The following SLIT2 variants were observed in gnomAD, a reference collection of about 807,000 sequenced individuals.
The protein encoded by SLIT2 is slit guidance ligand 2, also known as slit homolog 2 protein.
In SLIT2, 41 loss-of-function variants were observed where a neutral mutation model predicts 185.7. The observed-to-expected ratio is 0.22, with a 90% CI of 0.17 to 0.29. The LOEUF is 0.29. Ranked by LOEUF, SLIT2 falls within the 10% of genes least tolerant of loss-of-function variation. The pLI, the probability that SLIT2 is intolerant of heterozygous loss-of-function variation, is 1.00. For missense variants in SLIT2, 1,571 were observed against 1,909.0 expected, an observed-to-expected ratio of 0.82 and a Z score of 3.30; for synonymous variants, 693 against 680.2, an observed-to-expected ratio of 1.02 and a Z score of -0.29.
At chr4:20,546,622 A>T (rs928449460) in intron 22 of SLIT2, among the ~76,000 whole-genome samples, 1 of 152,118 alleles carries the variant, frequency 6.6e-6, no homozygotes, top group East Asian at 1.9e-4. Context: ...AGTAAACTTG[A>T]CAAAGATACT....
intron 29 of SLIT2, among the ~76,000 whole-genome samples, chr4:20,574,552 C>T (rs954590576): frequency 2.6e-5 from 4 of 151,982 alleles, no homozygotes; most frequent in Non-Finnish European, 5.9e-5. Flanking sequence ...TTTGGGAGGC[C>T]GAGGCAGGTG....
intron 26 of SLIT2, among the ~76,000 whole-genome samples, chr4:20,563,647 G>C (rs930680127): frequency 2.6e-5 from 4 of 151,636 alleles, no homozygotes; most frequent in African/African-American, 9.7e-5. Flanking sequence ...ATATATAGAA[G>C]GCTCTCAGGG....
intron 26 of SLIT2, among the ~76,000 whole-genome samples, chr4:20,561,226 A>C (rs754193980): frequency 6.6e-6 from 1 of 151,838 alleles, no homozygotes; most frequent in Non-Finnish European, 1.5e-5. Context: ...AGGCCAGCTG[A>C]AGGATCAAAG....
intron 4 of SLIT2, among the ~76,000 whole-genome samples, chr4:20,449,764 G>A (rs1051890156): frequency 1.7e-4 from 26 of 152,148 alleles, no homozygotes; most frequent in African/African-American, 6.0e-4. Flanking sequence ...AACAGTATAA[G>A]TATTAACTAG....
rs368471522 is a variant in SLIT2 at position 20,551,353 on chromosome 4, C to T, written c.2561+455C>T. Among the ~76,000 whole-genome samples, 8 of 152,298 alleles carry T rather than the reference C, an allele frequency of 5.3e-5. No homozygotes were observed. In the East Asian group the frequency reaches 1.4e-3, roughly 26 times the overall value. ...TGGCACCACACAAAAATAAATTCAA[C>T]ATGGTTCGAGACTATAGTTTGGAAG... On this transcript the variant is annotated intron_variant, in intron 25 of 36. Transcript: ENST00000504154.
At chr4:20,449,082 AT>A (rs1333994404) in intron 4 of SLIT2, among the ~76,000 whole-genome samples, 1 of 152,048 alleles carries the variant, frequency 6.6e-6, no homozygotes, top group Non-Finnish European at 1.5e-5. Context: ...TTATACTATT[AT>A]TTCAATATTA....
rs774227437 is a variant in SLIT2 at position 20,617,188 on chromosome 4, C to T, written c.4126C>T (p.Leu1376Phe). The change falls in exon 35 of 37, where the codon CTT (leucine) becomes TTT (phenylalanine). Residue 1376 changes from leucine to phenylalanine, a missense_variant. Physicochemically the swap from Leu to Phe is conservative, Grantham distance 22. Transcript: ENST00000504154. ...TGACCAACGGACCAATGACCCTTGC[C>T]TTGGAAATAAGTAAGTTCCTGCTGC... Reference protein sequence around the residue: ...LCDQRTNDPCLGNKCVHGTCL... With the variant: ...LCDQRTNDPCFGNKCVHGTCL... 7 of 1,575,440 alleles carry T rather than the reference C, an allele frequency of 4.4e-6. No individual in the cohort carries two copies. In the Admixed American group the frequency reaches 1.2e-4, roughly 28 times the overall value.
At chr4:20,303,175 T>C (rs1717223114) in intron 4 of SLIT2, among the ~76,000 whole-genome samples, 1 of 152,228 alleles carries the variant, frequency 6.6e-6, no homozygotes, top group South Asian at 2.1e-4. Flanking sequence ...AGGTTCACTC[T>C]TTGGATTCTG....
intron 33 of SLIT2, among the ~76,000 whole-genome samples, chr4:20,605,734 T>TTTTA (rs1413690986): frequency 6.7e-6 from 1 of 149,880 alleles, no homozygotes; most frequent in Non-Finnish European, 1.5e-5. Context: ...TTTTATTTTA[T>TTTTA]TTTATTTTAT....
chr4:20,387,287 G>A lies in SLIT2; in HGVS notation c.396-80465G>A, dbSNP rs574202319. 7.9e-5 allele frequency among the ~76,000 whole-genome samples: 12 copies of A among 151,948 alleles called. No individual in the cohort carries two copies. In the South Asian group the frequency reaches 1.9e-3, roughly 24 times the overall value. On this transcript the variant is annotated intron_variant, in intron 4 of 36. Coordinates refer to ENST00000504154, the MANE Select transcript of SLIT2 (RefSeq NM_004787.4). Reference sequence around the variant, plus strand: ...TTAGTTATATCTATTGATATTTATTGTATTGGAACTTAAAACTGAAATTAT... The same window carrying A: ...TTAGTTATATCTATTGATATTTATTATATTGGAACTTAAAACTGAAATTAT...
intron 4 of SLIT2, among the ~76,000 whole-genome samples, chr4:20,343,078 C>G (rs1177353191): frequency 6.6e-6 from 1 of 151,956 alleles, no homozygotes; most frequent in Non-Finnish European, 1.5e-5. Flanking sequence ...GGGTGTTCCT[C>G]TCTTCTAGCT....
At chr4:20,298,420 G>A (rs183474353) in intron 4 of SLIT2, among the ~76,000 whole-genome samples, 1 of 152,014 alleles carries the variant, frequency 6.6e-6, no homozygotes, top group East Asian at 1.9e-4. Flanking sequence ...GAAAGGAAAT[G>A]GTCTTATAGG....
chr4:20,345,629 G>A (rs953321048), intron 4 of SLIT2, among the ~76,000 whole-genome samples: 9 of 146,250 alleles, frequency 6.2e-5, no homozygotes, highest in East Asian at 2.0e-4. Context: ...TCCACCTCCC[G>A]GGATCAAGCA....
intron 29 of SLIT2, among the ~76,000 whole-genome samples, chr4:20,582,593 G>T (rs1238805035): frequency 6.6e-6 from 1 of 152,152 alleles, no homozygotes; most frequent in Non-Finnish European, 1.5e-5. Context: ...AACTTTTGCA[G>T]TTTGAGGTAT....
At chr4:20,278,235 TTTG>T (rs1553870068) in intron 4 of SLIT2, among the ~76,000 whole-genome samples, 6 of 151,702 alleles carry the variant, frequency 4.0e-5, no homozygotes, top group East Asian at 1.9e-4. Flanking sequence ...TGTTTTTTTT[TTTG>T]TTGTTGTTGT....
intron 4 of SLIT2, among the ~76,000 whole-genome samples, chr4:20,464,410 T>G (rs1356194730): frequency 1.3e-5 from 2 of 152,170 alleles, no homozygotes; most frequent in Admixed American, 6.5e-5. Context: ...AATTTCCAGA[T>G]TAATCTTCCA....
intron 33 of SLIT2, among the ~76,000 whole-genome samples, chr4:20,605,552 G>A (rs1406621132): frequency 6.6e-6 from 1 of 152,098 alleles, no homozygotes; most frequent in African/African-American, 2.4e-5. Flanking sequence ...GTGAAAGAGA[G>A]TTTATCAATA....
chr4:20,532,851 T>C (rs1335514085), intron 17 of SLIT2, among the ~76,000 whole-genome samples: 1 of 152,216 alleles, frequency 6.6e-6, no homozygotes, highest in Non-Finnish European at 1.5e-5. Context: ...AGCCATAAGA[T>C]GATTTCCCAT....
rs561529445 is a variant in SLIT2 at position 20,388,489 on chromosome 4, T to TA, written c.396-79262dup. 2.0e-4 allele frequency among the ~76,000 whole-genome samples: 31 copies of TA among 151,976 alleles called. No individual in the cohort carries two copies. The East Asian group carries it at 6.0e-3, about 29-fold the overall frequency. ...AGCAGCATTAAAAATATTACGGAGA[T>TA]ACGGCCAGGCATGGTGGCTCATGCC... On this transcript the variant is annotated intron_variant, in intron 4 of 36. Coordinates refer to ENST00000504154, the MANE Select transcript of SLIT2 (RefSeq NM_004787.4).
Sources: allele counts gnomAD v4.1 joint callset (sites outside exome capture counted in the v4.1 genomes callset), GRCh38; gene constraint gnomAD v4.1.1; transcripts MANE v1.5; gene names NCBI Gene and HGNC (gene_info 2026-07-23, HGNC 2026-07-21).